Variants in DCAF1 observed in about 807,000 individuals in gnomAD.
DCAF1 encodes the protein DDB1 and CUL4 associated factor 1, also known as DDB1- and CUL4-associated factor 1.
DCAF1 carries 15 observed loss-of-function variants against 128.0 expected under a neutral mutation model. That is an observed-to-expected ratio of 0.12 (90% CI 0.08 to 0.18). The LOEUF is 0.18. DCAF1 is among the 10% of genes least tolerant of loss of function. The pLI is 1.00. For synonymous variants in DCAF1, 610 were observed against 603.0 expected, an observed-to-expected ratio of 1.01 and a Z score of -0.17; for missense variants, 988 against 1,649.5, an observed-to-expected ratio of 0.60 and a Z score of 6.95.
intron 18 of DCAF1, 33 bp downstream of exon 18, chr3:51,416,754 T>C: frequency 1.9e-6 from 3 of 1,586,956 alleles, no homozygotes; most frequent in Non-Finnish European, 8.6e-7. Flanking sequence ...ATGGGTATGA[T>C]CAGCTTGAAA....
chr3:51,479,599 T>C (rs1705910430), intron 3 of DCAF1, among the ~76,000 whole-genome samples: 1 of 151,732 alleles, frequency 6.6e-6, no homozygotes, highest in Admixed American at 6.6e-5. Flanking sequence ...CCATCCTAGC[T>C]AACACGGTGA....
intron 3 of DCAF1, 82 bp downstream of exon 3, chr3:51,483,637 G>A (rs3762714): frequency 0.056 from 48,270 of 863,598 alleles, 5,393 homozygotes; most frequent in East Asian, 0.3. Flanking sequence ...GTGTGTGTGT[G>A]TGTGTGTGTA....
chr3:51,418,622 G>A, intron 16 of DCAF1, 56 bp downstream of exon 16: 1 of 1,556,166 alleles, frequency 6.4e-7, no homozygotes, highest in East Asian at 2.3e-5. Flanking sequence ...CTTTACTCTA[G>A]TTCACCAATT....
At chr3:51,407,158 C>CAAA (rs1477512198) in intron 23 of DCAF1, among the ~76,000 whole-genome samples, 187 of 86,940 alleles carry the variant, frequency 2.2e-3, no homozygotes, top group Non-Finnish European at 3.0e-3. Flanking sequence ...GACTCCATCT[C>CAAA]AAAAAAAAAA....
intron 5 of DCAF1, among the ~76,000 whole-genome samples, chr3:51,464,873 G>A (rs1368307857): frequency 6.6e-6 from 1 of 152,128 alleles, no homozygotes; most frequent in Non-Finnish European, 1.5e-5. Flanking sequence ...AAACGTTGGA[G>A]GAGAGGAGGG....
chr3:51,418,897 A>C, intron 15 of DCAF1, 21 bp from the exon 16 acceptor site: 1 of 1,582,172 alleles, frequency 6.3e-7, no homozygotes, highest in East Asian at 2.3e-5. Flanking sequence ...AAAAGAGAGA[A>C]TCACAGGCAA....
At chr3:51,495,033 A>T (rs1577339037) in intron 2 of DCAF1, among the ~76,000 whole-genome samples, 2 of 152,142 alleles carry the variant, frequency 1.3e-5, no homozygotes, top group African/African-American at 4.8e-5. Flanking sequence ...TTAAAAAAAT[A>T]AAAAATAGGC....
rs782194380 is a variant in DCAF1, at chr3:51,413,080, T to C, written c.4037-14A>G. Reference sequence around the variant, plus strand: ...CATCAATGGTTGCTGGAAAATAGAATGTGAGAAGATTGGGATTGGACTATT... The same window carrying C: ...CATCAATGGTTGCTGGAAAATAGAACGTGAGAAGATTGGGATTGGACTATT... On this transcript the variant is annotated splice_polypyrimidine_tract_variant and intron_variant, in intron 21 of 24. Transcript: ENST00000684031. 50 of 1,613,684 alleles carry C rather than the reference T, an allele frequency of 3.1e-5. No individual in the cohort carries two copies. Among genetic ancestry groups the C allele is most frequent in the South Asian group, 5.5e-5 (5 of 91,004 alleles).
chr3:51,500,161 C>T (rs1237420048), upstream of DCAF1, among the ~76,000 whole-genome samples: 8 of 148,666 alleles, frequency 5.4e-5, no homozygotes, highest in African/African-American at 1.5e-4. Flanking sequence ...AATCGAAGAG[C>T]CCCGGGGACG....
chr3:51,489,418 G>T (rs922793721), intron 2 of DCAF1, among the ~76,000 whole-genome samples: 12 of 152,078 alleles, frequency 7.9e-5, no homozygotes, highest in Non-Finnish European at 1.6e-4. Flanking sequence ...CTGGGCAACA[G>T]AGTGAGACTC....
chr3:51,403,466 G>T, intron 23 of DCAF1, 71 bp from the exon 24 acceptor site: 1 of 1,521,214 alleles, frequency 6.6e-7, no homozygotes, highest in Non-Finnish European at 8.8e-7. Flanking sequence ...ATGGCGGGTC[G>T]ACCAAAGAGA....
chr3:51,422,700 A>G (rs1699514284), intron 13 of DCAF1, among the ~76,000 whole-genome samples: 1 of 152,334 alleles, frequency 6.6e-6, no homozygotes. Context: ...CTTTCATCCT[A>G]GTGAAAACAT....
intron 9 of DCAF1, chr3:51,437,292 A>G: frequency 2.4e-6 from 1 of 409,308 alleles, no homozygotes; most frequent in Non-Finnish European, 4.7e-6. Context: ...AAAAAAAAAG[A>G]AAGAAAGAGC....
At chr3:51,429,585 TCTG>T in intron 11 of DCAF1, 115 bp from the exon 12 acceptor site, 1 of 650,734 alleles carries the variant, frequency 1.5e-6, no homozygotes, top group Non-Finnish European at 2.8e-6. Flanking sequence ...CCATACATAT[TCTG>T]CTTATGTATC....
Position 51,442,053 on chromosome 3 carries a change from A to G in DCAF1, c.514-156T>C, listed in dbSNP as rs184677043. On this transcript the variant is annotated intron_variant, in intron 7 of 24. Coordinates refer to ENST00000684031, the MANE Select transcript of DCAF1 (RefSeq NM_001387579.1). Reference sequence around the variant, plus strand: ...TGATAAATGCGTTGCTTTGATTCCTATAAGTTGATGAAATAAGTAACAGCT... The same window carrying G: ...TGATAAATGCGTTGCTTTGATTCCTGTAAGTTGATGAAATAAGTAACAGCT... 2.2e-4 allele frequency among the ~76,000 whole-genome samples: 34 copies of G among 152,262 alleles called. 1 individual carries two copies. Among genetic ancestry groups the G allele is most frequent in the Admixed American group, 5.2e-4 (8 of 15,284 alleles).
At chr3:51,412,845 G>A in intron 22 of DCAF1, 148 bp downstream of exon 22, 2 of 1,243,468 alleles carry the variant, frequency 1.6e-6, no homozygotes, top group Non-Finnish European at 2.2e-6. Context: ...CATCTCCCAA[G>A]CCCCATCAAA....
intron 9 of DCAF1, among the ~76,000 whole-genome samples, chr3:51,439,185 C>T (rs1701129022): frequency 6.6e-6 from 1 of 151,830 alleles, no homozygotes; most frequent in African/African-American, 2.4e-5. Flanking sequence ...CTCAGGCTCA[C>T]CCTAGTGATC....
intron 9 of DCAF1, chr3:51,437,508 A>C (rs1353984684): frequency 1.3e-5 from 5 of 377,282 alleles, no homozygotes; most frequent in African/African-American, 1.1e-4. Flanking sequence ...CATTAAAATT[A>C]CTTTTTTATA....
In DCAF1 at chr3:51,463,409, G is replaced by A. The variant is rs1432165664; in HGVS notation, c.262-182C>T. Reference sequence around the variant, plus strand: ...TATTATAAACACTTATGATCTTGCTGAGCCATGGTGATACCACACATAATT... The same window carrying A: ...TATTATAAACACTTATGATCTTGCTAAGCCATGGTGATACCACACATAATT... On this transcript the variant is annotated intron_variant, in intron 5 of 24. Coordinates refer to ENST00000684031, the MANE Select transcript of DCAF1 (RefSeq NM_001387579.1). 1.7e-4 allele frequency among the ~76,000 whole-genome samples: 26 copies of A among 152,082 alleles called. 1 individual carries two copies. Among genetic ancestry groups the A allele is most frequent in the Admixed American group, 1.7e-3 (26 of 15,248 alleles).
Sources: allele counts gnomAD v4.1 joint callset (sites outside exome capture counted in the v4.1 genomes callset), GRCh38; gene constraint gnomAD v4.1.1; transcripts MANE v1.5; gene names NCBI Gene and HGNC (gene_info 2026-07-23, HGNC 2026-07-21).